Variants in RHOT2 observed in about 807,000 individuals in gnomAD.
The protein encoded by RHOT2 is mitochondrial Rho GTPase 2.
In RHOT2, 90 loss-of-function variants were observed where a neutral mutation model predicts 81.6. The ratio of observed to expected loss-of-function variants is 1.10; its 90% CI spans 0.93 to 1.31. The LOEUF is 1.31. Ranked by LOEUF, RHOT2 falls within the 40% of genes most tolerant of loss-of-function variation. The pLI is 0.00. For missense variants in RHOT2, 1,014 were observed against 841.9 expected (o/e 1.20, Z -2.53); for synonymous variants, 512 against 370.9 (o/e 1.38, Z -4.37).
chr16:671,275 C>G (rs1470542419), intron 11 of RHOT2, 72 bp downstream of exon 11: 2 of 1,499,770 alleles, frequency 1.3e-6, no homozygotes, highest in Non-Finnish European at 1.8e-6. Flanking sequence ...TCTCTCCCCT[C>G]CATGAGTGAC....
rs2039220694 is a variant in RHOT2 at position 672,945 on chromosome 16, G to A, written c.1545G>A (p.Gly515=). ...GCCCACAGCACCATTACATGGACGG[G>A]CAGACCCCCTGCCTCTTTGTCTCCT... ...ASVYKHHYMD[G]QTPCLFVSSK... The change falls in exon 18 of 19, where the codon GGG becomes GGA. Residue 515 remains glycine (G), a synonymous_variant. Transcript: ENST00000315082. The A allele has an allele frequency of 6.2e-7, 1 of 1,612,666 alleles. No individual in the cohort carries two copies. Among genetic ancestry groups the A allele is most frequent in the Non-Finnish European group, 8.5e-7 (1 of 1,179,988 alleles).
In RHOT2 at chr16:673,118, T is replaced by G. The variant is rs770405374; in HGVS notation, c.1718T>G (p.Met573Arg). 1.9e-6 allele frequency: 3 copies of G among 1,611,002 alleles called. No homozygotes were observed. The East Asian group carries it at 6.7e-5, about 36-fold the overall frequency. ...STTIFTQLAT[M>R]AAFPHLVHAE... ...ACCATCTTCACCCAGCTCGCCACCA[T>G]GGCCGCCTTCCCGTGGGTACCCAGT... is the stretch of plus-strand genomic sequence containing the variant. The change falls in exon 18 of 19, where the codon ATG becomes AGG. Residue 573 changes from methionine to arginine, a missense_variant. Met to Arg is a moderately conservative substitution (Grantham distance 91). Coordinates refer to ENST00000315082, the MANE Select transcript of RHOT2 (RefSeq NM_138769.3).
chr16:669,210 G>T, intron 4 of RHOT2: 1 of 449,692 alleles, frequency 2.2e-6, no homozygotes, highest in Non-Finnish European at 4.1e-6. Flanking sequence ...GTGTTGGGTT[G>T]CAGGTGTGGC....
intron 11 of RHOT2, chr16:671,407 G>C: frequency 1.4e-6 from 1 of 731,124 alleles, no homozygotes; most frequent in Non-Finnish European, 2.1e-6. Flanking sequence ...GCTCTGAGTC[G>C]GGGGGTGGGG....
intron 2 of RHOT2, 35 bp from the exon 3 acceptor site, chr16:668,453 C>T (rs1567231732): frequency 6.3e-6 from 10 of 1,578,586 alleles, no homozygotes; most frequent in Admixed American, 1.8e-5. Context: ...CGGGCCCAGC[C>T]GGGGGTCCCT....
intron 12 of RHOT2, 35 bp from the exon 13 acceptor site, chr16:671,825 C>T: frequency 6.2e-7 from 1 of 1,604,924 alleles, no homozygotes. Context: ...CGCCCCCTCC[C>T]CGGCACACAC....
chr16:673,096 A>G lies in RHOT2; in HGVS notation c.1696A>G (p.Ile566Val), dbSNP rs923828254. ...CAGPAEPSTTIFTQLATMAAF... is the reference protein window; with the variant it reads ...CAGPAEPSTTVFTQLATMAAF... ...TGGCCCAGCCGAGCCCAGCACCACC[A>G]TCTTCACCCAGCTCGCCACCATGGC... The change falls in exon 18 of 19, where the codon ATC (isoleucine) becomes GTC (valine). Residue 566 changes from isoleucine to valine, a missense_variant. By Grantham distance (29) the Ile-to-Val change is conservative (BLOSUM62 3). Transcript: ENST00000315082. 2 of 1,611,482 alleles carry G rather than the reference A, an allele frequency of 1.2e-6. No homozygotes were observed. Among genetic ancestry groups the G allele is most frequent in the Non-Finnish European group, 1.7e-6 (2 of 1,179,872 alleles).
chr16:668,316 A>AT, intron 1 of RHOT2, 37 bp from the exon 2 acceptor site: 11 of 1,358,984 alleles, frequency 8.1e-6, no homozygotes, highest in South Asian at 5.3e-5. Flanking sequence ...GGGCGCCGTG[A>AT]CCTTGGCCCT....
In RHOT2 at chr16:670,977, G is replaced by T; in HGVS notation, c.725G>T (p.Arg242Leu). The change falls in exon 10 of 19, where the codon CGG (arginine) becomes CTG (leucine). Residue 242 changes from arginine (R) to leucine (L), a missense_variant. Arg to Leu is a moderately radical substitution (Grantham distance 102). Transcript: ENST00000315082. ...TGCAGGAACGTGGCGGGCGGCGTGC[G>T]GGAGGACCGGCTGACCCTGGATGGT... ...VVCRNVAGGVREDRLTLDGFL... is the reference protein window; with the variant it reads ...VVCRNVAGGVLEDRLTLDGFL... The T allele has an allele frequency of 6.4e-7, 1 of 1,573,054 alleles. No individual in the cohort carries two copies. The highest frequency in any genetic ancestry group is 8.6e-7 in the Non-Finnish European group (1 of 1,159,136).
intron 16 of RHOT2, 47 bp downstream of exon 16, chr16:672,613 A>G (rs1354715109): frequency 6.2e-7 from 1 of 1,609,766 alleles, no homozygotes; most frequent in Non-Finnish European, 8.5e-7. Context: ...GGACCCGGGG[A>G]CACCCAGGCC....
rs767823810 is a variant in RHOT2 at position 670,641 on chromosome 16, G to A, written c.541-34G>A. 8 of 1,607,768 alleles carry A rather than the reference G, an allele frequency of 5.0e-6. No homozygotes were observed. In the Middle Eastern group the frequency reaches 6.6e-4, roughly 133 times the overall value. On this transcript the variant is annotated intron_variant, in intron 8 of 18. Transcript: ENST00000315082. ...GGGGCGGTGTGGCAGGTCGGCGTGG[G>A]TCACCTGAGGGTGCTGAGCCAACAT...
intron 9 of RHOT2, 53 bp from the exon 10 acceptor site, chr16:670,839 C>A: frequency 1.9e-6 from 3 of 1,594,638 alleles, no homozygotes; most frequent in Non-Finnish European, 2.6e-6. Flanking sequence ...GTGACTGGAA[C>A]GGGTCGTCTC....
At chr16:671,297 A>G in intron 11 of RHOT2, 94 bp downstream of exon 11, 1 of 1,455,178 alleles carries the variant, frequency 6.9e-7, no homozygotes, top group Non-Finnish European at 9.1e-7. Flanking sequence ...CTGGGGTTTG[A>G]GGCCTGCCCT....
chr16:671,473 C>T (rs112684426), intron 11 of RHOT2, among the ~76,000 whole-genome samples: 2,860 of 152,298 alleles, frequency 0.019, 89 homozygotes, highest in African/African-American at 0.063. Flanking sequence ...CTGGGGTCGG[C>T]AGCTTGGGGT....
chr16:668,313 G>GTACCA, intron 1 of RHOT2, 40 bp from the exon 2 acceptor site: 1 of 1,290,320 alleles, frequency 7.8e-7, no homozygotes, highest in Non-Finnish European at 9.8e-7. Flanking sequence ...GGGGGGCGCC[G>GTACCA]TGACCTTGGC....
At position 671,707 on chromosome 16, in the gene RHOT2, C is replaced by A; in HGVS notation, c.880C>A (p.Pro294Thr). The change falls in exon 12 of 19, where the codon CCC becomes ACC. Residue 294 changes from proline (P) to threonine (T), a missense_variant. Physicochemically the swap from Pro to Thr is conservative, Grantham distance 38 (BLOSUM62 -1). Coordinates refer to ENST00000315082, the MANE Select transcript of RHOT2 (RefSeq NM_138769.3). The part of the protein sequence containing the change: ...ADYLSPLIHV[P>T]PGCSTELNHL... ...GTGGCCTCCCTGCAGGATCCACGTG[C>A]CCCCCGGCTGCAGCACGGAGCTCAA... 1 of 1,611,760 alleles carries A rather than the reference C, an allele frequency of 6.2e-7. No individual in the cohort carries two copies. The highest frequency in any genetic ancestry group is 8.5e-7 in the Non-Finnish European group (1 of 1,179,286).
In RHOT2 at chr16:670,997, G is replaced by A; in HGVS notation, c.745G>A (p.Asp249Asn). 1 of 1,590,858 alleles carries A rather than the reference G, an allele frequency of 6.3e-7. No individual in the cohort carries two copies. The highest frequency in any genetic ancestry group is 1.1e-5 in the South Asian group (1 of 89,224). Residue 249 changes from aspartate to asparagine, a missense_variant, in exon 10 of 19, where the codon GAT (aspartate) becomes AAT (asparagine). Asp to Asn is a conservative substitution (Grantham distance 23). Transcript: ENST00000315082. ...CGTGCGGGAGGACCGGCTGACCCTG[G>A]ATGGTGAGGCCGGGTGCCCGCCTGT... ...GGVREDRLTLDGFLFLNTLFI... is the reference protein window; with the variant it reads ...GGVREDRLTLNGFLFLNTLFI...
rs1410380569 is a variant in RHOT2 at position 668,494 on chromosome 16, C to T, written c.103C>T (p.Pro35Ser). 1 of 1,605,708 alleles carries T rather than the reference C, an allele frequency of 6.2e-7. No homozygotes were observed. Among genetic ancestry groups the T allele is most frequent in the African/African-American group, 1.3e-5 (1 of 74,302 alleles). ...GCGCGCGGGTCCCTTGCAGGTCCCT[C>T]CCCGCGCGGAGGAGATCACCATCCC... ...VGEEFPEEVPPRAEEITIPAD... is the reference protein window; with the variant it reads ...VGEEFPEEVPSRAEEITIPAD... The change falls in exon 3 of 19, where the codon CCC (proline) becomes TCC (serine). Residue 35 changes from proline (P) to serine (S), a missense_variant. Coordinates refer to ENST00000315082, the MANE Select transcript of RHOT2 (RefSeq NM_138769.3).
intron 11 of RHOT2, 84 bp downstream of exon 11, chr16:671,287 C>G (rs904415699): frequency 6.8e-7 from 1 of 1,477,080 alleles, no homozygotes; most frequent in African/African-American, 1.4e-5. Context: ...ATGAGTGACG[C>G]TGGGGTTTGA....
Sources: allele counts gnomAD v4.1 joint callset (sites outside exome capture counted in the v4.1 genomes callset), GRCh38; gene constraint gnomAD v4.1.1; transcripts MANE v1.5; gene names NCBI Gene and HGNC (gene_info 2026-07-23, HGNC 2026-07-21).